Variants in ZNF75D observed in about 807,000 individuals in gnomAD.
ZNF75D encodes the protein zinc finger protein 75.
Under a neutral mutation model 33.3 loss-of-function variants are expected in ZNF75D, and 33 were observed. That is an observed-to-expected ratio of 0.99 (90% CI 0.75 to 1.32). ZNF75D has a LOEUF of 1.32. Ranked by LOEUF, ZNF75D falls within the 40% of genes most tolerant of loss-of-function variation. ZNF75D has a pLI of 0.00. For missense variants in ZNF75D, 338 were observed against 367.5 expected (o/e 0.92, Z 0.66); for synonymous variants, 113 against 130.6 (o/e 0.87, Z 0.92).
At position 135,278,539 on chromosome X, in the gene ZNF75D, T is replaced by C. The variant is rs372439661; in HGVS notation, n.828-22762A>G. Among the ~76,000 whole-genome samples, 37 of 112,031 alleles carry C rather than the reference T, an allele frequency of 3.3e-4. 2 individuals carry two copies. Among genetic ancestry groups the C allele is most frequent in the East Asian group, 2.5e-3 (9 of 3,565 alleles). On this transcript the variant is annotated intron_variant and non_coding_transcript_variant, in intron 1 of 3. Coordinates refer to the ZNF75D transcript ENST00000494295. ...CCAATACTATGTTGAATAGGAGTGG[T>C]GAGAGAGGGCATCCTTGTCTTTTGG...
chrX:135,282,653 T>C (rs1384105179), downstream of ZNF75D, among the ~76,000 whole-genome samples: 1 of 111,707 alleles, frequency 9.0e-6, no homozygotes, highest in Middle Eastern at 4.6e-3. Flanking sequence ...CTGTGGGTTG[T>C]GAATACCATG....
rs1556414628 is a variant in ZNF75D, at chrX:135,258,005, C to CTT, written n.828-2229_828-2228insAA. 6.4e-3 allele frequency among the ~76,000 whole-genome samples: 691 copies of CTT among 108,629 alleles called. 2 individuals are homozygous for CTT. Among genetic ancestry groups the CTT allele is most frequent in the Middle Eastern group, 0.038 (8 of 213 alleles). 94.3% of individuals were successfully genotyped at this position (108,629 alleles called of 115,157 possible). Reference sequence around the variant, plus strand: ...AGGCCCTGGTGTGTGATGTTCCCTGCCCTGTGTCCAAGTGATCTCATTGTT... The same window carrying CTT: ...AGGCCCTGGTGTGTGATGTTCCCTGCTTCCTGTGTCCAAGTGATCTCATTGTT... On this transcript the variant is annotated intron_variant and non_coding_transcript_variant, in intron 1 of 3. Transcript: ENST00000494295.
intron 1 of ZNF75D, among the ~76,000 whole-genome samples, chrX:135,325,410 G>A (rs1456452349): frequency 1.8e-5 from 2 of 111,104 alleles, no homozygotes; most frequent in Non-Finnish European, 3.8e-5. Context: ...TTTCTGGGCT[G>A]GCCAAGGCCA....
chrX:135,266,411 C>G (rs1484456229), intron 1 of ZNF75D, among the ~76,000 whole-genome samples: 6 of 111,527 alleles, frequency 5.4e-5, no homozygotes, highest in African/African-American at 2.0e-4. Context: ...TACACACAGA[C>G]TGAAAATAAA....
At chrX:135,288,212 A>T (rs2148468125) in intron 6 of ZNF75D, among the ~76,000 whole-genome samples, 1 of 112,495 alleles carries the variant, frequency 8.9e-6, no homozygotes, top group East Asian at 2.8e-4. Flanking sequence ...TCCTGAATGT[A>T]AAAAGAAGTG....
Position 135,286,543 on chromosome X carries a change from T to C in ZNF75D, c.*594A>G, listed in dbSNP as rs1556419481. 8.9e-6 allele frequency: 1 copy of C among 111,966 alleles called. No homozygotes were observed. The highest frequency in any genetic ancestry group is 1.9e-5 in the Non-Finnish European group (1 of 53,257). The allele number at this position is 111,966 out of a possible 1,213,427, so 9.2% of individuals were successfully genotyped here. On this transcript the variant is annotated 3_prime_UTR_variant, in exon 7 of 7. Coordinates refer to ENST00000370766, the MANE Select transcript of ZNF75D (RefSeq NM_007131.5). ...ACTTGTAATTCCTTGACAGAAGACA[T>C]TGTGGTAGTGGGTACTCAGGAGAGA...
In ZNF75D at chrX:135,343,058, C is replaced by T. The variant is rs2084804804; in HGVS notation, c.-1681G>A. The T allele has an allele frequency of 9.0e-6, 1 of 111,532 alleles. No individual in the cohort carries two copies. Among genetic ancestry groups the T allele is most frequent in the Non-Finnish European group, 1.9e-5 (1 of 53,190 alleles). 9.2% of individuals were successfully genotyped at this position (111,532 alleles called of 1,213,427 possible). On this transcript the variant is annotated 5_prime_UTR_variant, in exon 1 of 7. Coordinates refer to ENST00000370766, the MANE Select transcript of ZNF75D (RefSeq NM_007131.5). ...GGGGAAATCTGGAGGATGAAGGTTCCAGAGAAGACAACAACAACAACAACA... is the reference window on the plus strand; with the variant it reads ...GGGGAAATCTGGAGGATGAAGGTTCTAGAGAAGACAACAACAACAACAACA...
chrX:135,267,271 A>C (rs2083866534), intron 1 of ZNF75D, among the ~76,000 whole-genome samples: 1 of 111,884 alleles, frequency 8.9e-6, no homozygotes, highest in South Asian at 3.7e-4. Flanking sequence ...GCAGAGCATA[A>C]ATAAACGAAT....
At chrX:135,287,945 C>G (rs1477581624) in intron 6 of ZNF75D, 99 bp from the exon 7 acceptor site, 1 of 678,137 alleles carries the variant, frequency 1.5e-6, no homozygotes, top group Admixed American at 3.6e-5. Context: ...AAAAGAAATA[C>G]AGGAACAAGT....
chrX:135,333,573 C>T (rs1281450935), intron 1 of ZNF75D, among the ~76,000 whole-genome samples: 1 of 111,997 alleles, frequency 8.9e-6, no homozygotes, highest in Non-Finnish European at 1.9e-5. Flanking sequence ...CCCATTAGCC[C>T]TTATATTATC....
intron 6 of ZNF75D, among the ~76,000 whole-genome samples, chrX:135,290,651 T>C (rs1426508019): frequency 8.9e-6 from 1 of 112,814 alleles, no homozygotes; most frequent in Non-Finnish European, 1.9e-5. Flanking sequence ...TCATTTAAAC[T>C]TTTGTTTGCA....
At chrX:135,307,269 C>A (rs1556425960) in intron 1 of ZNF75D, among the ~76,000 whole-genome samples, 4 of 111,740 alleles carry the variant, frequency 3.6e-5, no homozygotes, top group East Asian at 2.8e-4. Flanking sequence ...AAGGACTGAG[C>A]CTTCCTTCCC....
At chrX:135,291,254 GA>G in intron 5 of ZNF75D, 119 bp from the exon 6 acceptor site, 2 of 942,946 alleles carry the variant, frequency 2.1e-6, no homozygotes, top group African/African-American at 1.9e-5. Context: ...AGATTTAGGG[GA>G]AAAAAGTGAG....
In ZNF75D at chrX:135,286,242, T is replaced by C. The variant is rs2083949625; in HGVS notation, c.*895A>G. 1 of 112,012 alleles carries C rather than the reference T, an allele frequency of 8.9e-6. No homozygotes were observed. Among genetic ancestry groups the C allele is most frequent in the Non-Finnish European group, 1.9e-5 (1 of 53,214 alleles). The allele number at this position is 112,012 out of a possible 1,213,427, so 9.2% of individuals were successfully genotyped here. A position where few individuals can be genotyped will look rare whatever the true frequency, so the allele number is the denominator to read the frequency against. On this transcript the variant is annotated 3_prime_UTR_variant, in exon 7 of 7. Transcript: ENST00000370766. ...AGTATTCAGGCATATAGGGTTGTAG[T>C]TGATCAGCCATAAAGATGGGGCTCC...
chrX:135,290,499 T>G (rs1366827027), intron 6 of ZNF75D, among the ~76,000 whole-genome samples: 3 of 112,564 alleles, frequency 2.7e-5, no homozygotes, highest in African/African-American at 6.5e-5. Context: ...TCACAAAAGA[T>G]CTATAAAATA....
At chrX:135,306,503 C>T (rs903562346) in intron 1 of ZNF75D, among the ~76,000 whole-genome samples, 1 of 111,792 alleles carries the variant, frequency 8.9e-6, no homozygotes, top group Admixed American at 9.5e-5. Flanking sequence ...AGTTTTGAGT[C>T]CAGAATGACA....
intron 1 of ZNF75D, among the ~76,000 whole-genome samples, chrX:135,303,983 A>T (rs2084253856): frequency 8.9e-6 from 1 of 112,709 alleles, no homozygotes; most frequent in Non-Finnish European, 1.9e-5. Context: ...CATAATGCTC[A>T]AAGAGAGCAG....
chrX:135,311,273 A>C (rs1169682301), intron 1 of ZNF75D, among the ~76,000 whole-genome samples: 1 of 112,204 alleles, frequency 8.9e-6, no homozygotes, highest in Non-Finnish European at 1.9e-5. Flanking sequence ...TGAACTGAGA[A>C]GTGAGCCAGC....
intron 1 of ZNF75D, among the ~76,000 whole-genome samples, chrX:135,307,355 T>C (rs781916018): frequency 1.4e-3 from 150 of 110,876 alleles, no homozygotes; most frequent in African/African-American, 4.8e-3. Context: ...TACATAAGAT[T>C]GAGTGGGCAG....
Sources: allele counts gnomAD v4.1 joint callset (sites outside exome capture counted in the v4.1 genomes callset), GRCh38; gene constraint gnomAD v4.1.1; transcripts MANE v1.5; gene names NCBI Gene and HGNC (gene_info 2026-07-23, HGNC 2026-07-21).